Variants in PI4KA observed in about 807,000 individuals in gnomAD.
The protein encoded by PI4KA is PI4-kinase alpha.
In PI4KA, 122 loss-of-function variants were observed where a neutral mutation model predicts 271.4. That is an observed-to-expected ratio of 0.45 (90% CI 0.39 to 0.52). The LOEUF is 0.52. PI4KA is among the 20% of genes least tolerant of loss of function. The pLI, the probability that PI4KA is intolerant of heterozygous loss-of-function variation, is 0.00. For missense variants in PI4KA, 1,969 were observed against 2,769.1 expected, an observed-to-expected ratio of 0.71 and a Z score of 6.48; for synonymous variants, 1,041 against 1,078.8, an observed-to-expected ratio of 0.96 and a Z score of 0.69.
intron 20 of PI4KA, 101 bp downstream of exon 20, chr22:20,765,484 C>A: frequency 1.2e-6 from 1 of 824,512 alleles, no homozygotes; most frequent in Non-Finnish European, 2.0e-6. Flanking sequence ...TGCATGTGGA[C>A]TCATTTAAAC....
At chr22:20,853,739 C>A (rs1297008002) in intron 1 of PI4KA, among the ~76,000 whole-genome samples, 1 of 152,082 alleles carries the variant, frequency 6.6e-6, no homozygotes, top group Admixed American at 6.6e-5. Flanking sequence ...GCTATGGGAA[C>A]ATGGCAGGAG....
In PI4KA at chr22:20,803,323, G is replaced by A; in HGVS notation, c.1462-3C>T. On this transcript the variant is annotated splice_region_variant and splice_polypyrimidine_tract_variant and intron_variant, in intron 12 of 54. Coordinates refer to ENST00000255882, the MANE Select transcript of PI4KA (RefSeq NM_058004.4). ...CTCTCGCACAGGCGGCCCAAACCCT[G>A]CAACACACCATCAACCTGTCACATG... is the stretch of plus-strand genomic sequence containing the variant. 6.2e-7 allele frequency: 1 copy of A among 1,613,854 alleles called. No individual in the cohort carries two copies. The highest frequency in any genetic ancestry group is 1.3e-5 in the African/African-American group (1 of 75,008).
intron 23 of PI4KA, among the ~76,000 whole-genome samples, chr22:20,758,906 C>G (rs1364987488): frequency 6.6e-6 from 1 of 152,192 alleles, no homozygotes; most frequent in Non-Finnish European, 1.5e-5. Flanking sequence ...TCTTTCCTTG[C>G]CAACTCCACT....
chr22:20,769,393 G>C lies in PI4KA; in HGVS notation c.2329-3700C>G, dbSNP rs997910910. ...CCTAAGAAGTATCAAGGTCAGGCCA[G>C]GTGTGGTGGCTCACGCCTGTAATCC... On this transcript the variant is annotated intron_variant, in intron 19 of 54. Coordinates refer to ENST00000255882, the MANE Select transcript of PI4KA (RefSeq NM_058004.4). Among the ~76,000 whole-genome samples, 35 of 152,188 alleles carry C rather than the reference G, an allele frequency of 2.3e-4. 1 individual carries two copies. The highest frequency in any genetic ancestry group is 8.4e-4 in the African/African-American group (35 of 41,448).
chr22:20,815,154 G>A lies in PI4KA; in HGVS notation c.857-1648C>T, dbSNP rs545709817. Among the ~76,000 whole-genome samples the A allele has an allele frequency of 4.6e-5, 7 of 152,022 alleles. No individual in the cohort carries two copies. In the East Asian group the frequency reaches 9.7e-4, roughly 21 times the overall value. On this transcript the variant is annotated intron_variant, in intron 7 of 54. Coordinates refer to ENST00000255882, the MANE Select transcript of PI4KA (RefSeq NM_058004.4). ...TCCCAGTACTTTGGGAGGCCGAGGCGGGTGGATCACAAGGTCAAGAGATTG... is the reference window on the plus strand; with the variant it reads ...TCCCAGTACTTTGGGAGGCCGAGGCAGGTGGATCACAAGGTCAAGAGATTG...
intron 32 of PI4KA, among the ~76,000 whole-genome samples, chr22:20,737,634 C>CCT (rs777777967): frequency 7.1e-6 from 1 of 141,316 alleles, no homozygotes; most frequent in Non-Finnish European, 1.5e-5. Context: ...TACTCTTTTT[C>CCT]TTTTTTTTTT....
chr22:20,731,533 C>T (rs2147242841), intron 36 of PI4KA, among the ~76,000 whole-genome samples: 1 of 152,178 alleles, frequency 6.6e-6, no homozygotes, highest in African/African-American at 2.4e-5. Context: ...ATGTGGCCCA[C>T]ACCTGTAATC....
At chr22:20,850,121 T>C (rs1256044551) in intron 1 of PI4KA, among the ~76,000 whole-genome samples, 2 of 152,180 alleles carry the variant, frequency 1.3e-5, no homozygotes, top group African/African-American at 4.8e-5. Flanking sequence ...AATTTTGTGG[T>C]ATGTGAATTA....
At chr22:20,718,346 C>T (rs1389820820) in intron 44 of PI4KA, among the ~76,000 whole-genome samples, 1 of 152,236 alleles carries the variant, frequency 6.6e-6, no homozygotes, top group Non-Finnish European at 1.5e-5. Context: ...GTTTTCCTGA[C>T]ACCATGAGGA....
chr22:20,834,453 A>T, intron 3 of PI4KA, 109 bp downstream of exon 3: 1 of 741,022 alleles, frequency 1.3e-6, no homozygotes, highest in Non-Finnish European at 2.4e-6. Flanking sequence ...CCCAGCCAGG[A>T]GGGAGACAAG....
At chr22:20,789,357 T>C (rs996975242) in intron 19 of PI4KA, among the ~76,000 whole-genome samples, 1 of 152,122 alleles carries the variant, frequency 6.6e-6, no homozygotes, top group African/African-American at 2.4e-5. Context: ...TGAGACGGAG[T>C]CTCGCTCTGT....
chr22:20,809,611 C>G (rs2147642660), intron 9 of PI4KA, among the ~76,000 whole-genome samples: 1 of 152,212 alleles, frequency 6.6e-6, no homozygotes, highest in Non-Finnish European at 1.5e-5. Context: ...TCGCCCTGGT[C>G]CTCCTGGTCT....
At position 20,805,165 on chromosome 22, in the gene PI4KA, T is replaced by C. The variant is rs759049159; in HGVS notation, c.1169A>G (p.Asp390Gly). ...CTCCTTCACAAAAGAGGTCGGGAGG[T>C]CTGTAGGAAAGAGTGTGGCATCACA... Reference protein sequence around the residue: ...MLRDTLYYMKDLPTSFVKEIH... With the variant: ...MLRDTLYYMKGLPTSFVKEIH... The change falls in exon 11 of 55, where the codon GAC (aspartate) becomes GGC (glycine). Residue 390 changes from aspartate (D) to glycine (G), a missense_variant and splice_region_variant. By Grantham distance (94) the Asp-to-Gly change is moderately conservative. Transcript: ENST00000255882. 6.2e-7 allele frequency: 1 copy of C among 1,611,670 alleles called. No homozygotes were observed. Among genetic ancestry groups the C allele is most frequent in the Non-Finnish European group, 8.5e-7 (1 of 1,178,646 alleles).
intron 1 of PI4KA, 113 bp from the exon 2 acceptor site, chr22:20,838,844 G>C: frequency 1.6e-6 from 1 of 634,234 alleles, no homozygotes. Flanking sequence ...TCAGGAGGCT[G>C]AGGTGGGAGG....
At chr22:20,817,734 CAAAAAAAAAAAAAAAAAAA>C (rs361731) in intron 7 of PI4KA, among the ~76,000 whole-genome samples, 47 of 13,970 alleles carry the variant, frequency 3.4e-3, no homozygotes, top group Non-Finnish European at 4.2e-3. Flanking sequence ...ACTCTCTCTC[CAAAAAAAAAAAAAAAAAAA>C]AAAAAAAAAA....
At chr22:20,838,524 T>C in intron 2 of PI4KA, 91 bp downstream of exon 2, 1 of 759,054 alleles carries the variant, frequency 1.3e-6, no homozygotes, top group South Asian at 1.6e-5. Flanking sequence ...TCTTCTACTA[T>C]TGCTTTAGGT....
At chr22:20,761,015 G>T (rs1273015851) in intron 23 of PI4KA, among the ~76,000 whole-genome samples, 1 of 152,170 alleles carries the variant, frequency 6.6e-6, no homozygotes, top group South Asian at 2.1e-4. Context: ...GTTGCTGCAG[G>T]TCCATCAGTG....
At chr22:20,720,537 C>A (rs924081633) in intron 43 of PI4KA, among the ~76,000 whole-genome samples, 2 of 152,092 alleles carry the variant, frequency 1.3e-5, no homozygotes, top group Non-Finnish European at 2.9e-5. Flanking sequence ...GGGAGAGGGA[C>A]CCTGCCTCTA....
At position 20,742,368 on chromosome 22, in the gene PI4KA, A is replaced by G. The variant is rs745742673; in HGVS notation, c.3614-13T>C. On this transcript the variant is annotated splice_polypyrimidine_tract_variant and intron_variant, in intron 31 of 54. Coordinates refer to ENST00000255882, the MANE Select transcript of PI4KA (RefSeq NM_058004.4). Reference sequence around the variant, plus strand: ...TGCGGGTCACAATCTGGAACCAAACACACGTCAGTCAGAGGCCTCCAACAA... The same window carrying G: ...TGCGGGTCACAATCTGGAACCAAACGCACGTCAGTCAGAGGCCTCCAACAA... 9 of 1,612,506 alleles carry G rather than the reference A, an allele frequency of 5.6e-6. No individual in the cohort carries two copies. Among genetic ancestry groups the G allele is most frequent in the Non-Finnish European group, 7.6e-6 (9 of 1,179,178 alleles).
Sources: allele counts gnomAD v4.1 joint callset (sites outside exome capture counted in the v4.1 genomes callset), GRCh38; gene constraint gnomAD v4.1.1; transcripts MANE v1.5; gene names NCBI Gene and HGNC (gene_info 2026-07-23, HGNC 2026-07-21).